Variants in CGN observed in about 807,000 individuals in gnomAD.
CGN encodes the protein cingulin.
In CGN, 121 loss-of-function variants were observed where a neutral mutation model predicts 157.1. That is an observed-to-expected ratio of 0.77 (90% CI 0.66 to 0.90). CGN has a LOEUF of 0.90. Among genes scored for constraint, CGN ranks in the 40% least tolerant of loss-of-function variants. The pLI is 0.00. For synonymous variants in CGN, 535 were observed against 607.5 expected (o/e 0.88, Z 1.76); for missense variants, 1,424 against 1,520.9 (o/e 0.94, Z 1.06).
chr1:151,530,778 A>G, intron 13 of CGN, 32 bp downstream of exon 13: 1 of 1,550,490 alleles, frequency 6.4e-7, no homozygotes, highest in Non-Finnish European at 8.7e-7. Context: ...GCCTTTAGGA[A>G]GAGGCCCAGC....
intron 9 of CGN, among the ~76,000 whole-genome samples, chr1:151,526,191 T>C (rs2102495235): frequency 6.6e-6 from 1 of 150,934 alleles, no homozygotes. Context: ...CTTTTTTTTT[T>C]TTTTTGAGAT....
rs375686792 is a variant in CGN at position 151,533,357 on chromosome 1, TC to T, written c.2743-615del. Among the ~76,000 whole-genome samples, 66 of 152,202 alleles carry T rather than the reference TC, an allele frequency of 4.3e-4. No individual in the cohort carries two copies. In the East Asian group the frequency reaches 0.012, roughly 29 times the overall value. On this transcript the variant is annotated intron_variant, in intron 14 of 20. Coordinates refer to ENST00000271636, the MANE Select transcript of CGN (RefSeq NM_020770.3). ...TGAGCGTGGTGGTGCATGCCTGTAG[TC>T]CCAGCTACTCAGGAGGCTGAGGCAG...
Position 151,529,978 on chromosome 1 carries a change from C to T in CGN, c.2176C>T (p.Arg726Trp), listed in dbSNP as rs369495663. ...QRRAAVETTL[R>W]ETQEENDEFR... ...GCGGGCCGCAGTGGAGACGACGCTT[C>T]GGGAGACCCAGGAGGAAAATGACGA... Residue 726 changes from arginine (R) to tryptophan (W), a missense_variant, in exon 12 of 21, where the codon CGG becomes TGG. Arg to Trp is a moderately radical substitution (Grantham distance 101). Coordinates refer to ENST00000271636, the MANE Select transcript of CGN (RefSeq NM_020770.3). 7.5e-5 allele frequency: 121 copies of T among 1,613,998 alleles called. No homozygotes were observed. The highest frequency in any genetic ancestry group is 5.2e-4 in the Admixed American group (31 of 60,002).
rs1019233679 is a variant in CGN at position 151,524,186 on chromosome 1, T to C, written c.1269-40T>C. 20 of 1,520,528 alleles carry C rather than the reference T, an allele frequency of 1.3e-5. No individual in the cohort carries two copies. Among genetic ancestry groups the C allele is most frequent in the Non-Finnish European group, 1.7e-5 (19 of 1,107,778 alleles). 94.2% of individuals were successfully genotyped at this position (1,520,528 alleles called of 1,614,324 possible). A position where few individuals can be genotyped will look rare whatever the true frequency, so the allele number is the denominator to read the frequency against. On this transcript the variant is annotated intron_variant, in intron 6 of 20. Coordinates refer to ENST00000271636, the MANE Select transcript of CGN (RefSeq NM_020770.3). This position sits in a 1 kb window ranked among gnomAD's most constrained non-coding sequence, Gnocchi z 4.4. ...AAAATATATGATGCGTTTAGAGAAC[T>C]GCCTGACACATAGTGTGCAATAATG...
At position 151,535,761 on chromosome 1, in the gene CGN, G is replaced by T; in HGVS notation, c.3079-19G>T. 6.2e-7 allele frequency: 1 copy of T among 1,612,312 alleles called. No homozygotes were observed. The highest frequency in any genetic ancestry group is 8.5e-7 in the Non-Finnish European group (1 of 1,178,306). On this transcript the variant is annotated intron_variant, in intron 17 of 20. Coordinates refer to ENST00000271636, the MANE Select transcript of CGN (RefSeq NM_020770.3). ...TGGCCAGTGGAGTGCTAACTGTGGA[G>T]GCTTCCTGTCCCTCTCAGAACAAGG...
At chr1:151,527,872 A>C (rs943971922) in intron 10 of CGN, 4 of 295,086 alleles carry the variant, frequency 1.4e-5, no homozygotes, top group Non-Finnish European at 2.7e-5. Flanking sequence ...GATTGTGCTG[A>C]CCTGTTCTGT....
At chr1:151,535,929 C>T (rs1360365107) in intron 18 of CGN, 31 bp downstream of exon 18, 1 of 1,535,028 alleles carries the variant, frequency 6.5e-7, no homozygotes, top group Non-Finnish European at 9.0e-7. Flanking sequence ...CTCCCTTCCT[C>T]CCTCCTTTTC....
chr1:151,513,634 C>G (rs1441786920), intron 1 of CGN, among the ~76,000 whole-genome samples: 1 of 152,102 alleles, frequency 6.6e-6, no homozygotes, highest in Non-Finnish European at 1.5e-5. Context: ...TCCACACACC[C>G]GAAACCACCC....
intron 20 of CGN, 26 bp downstream of exon 20, chr1:151,536,919 T>G (rs761704544): frequency 9.3e-6 from 15 of 1,610,210 alleles, no homozygotes; most frequent in South Asian, 4.4e-5. Flanking sequence ...TTGCCCTTGC[T>G]CCATAGGGAC....
intron 1 of CGN, 70 bp from the exon 2 acceptor site, chr1:151,518,436 A>G (rs1664457548): frequency 2.2e-6 from 3 of 1,345,654 alleles, no homozygotes; most frequent in Admixed American, 4.5e-5. Context: ...CAGGGAAGTC[A>G]GCCCGCAGGT....
intron 1 of CGN, among the ~76,000 whole-genome samples, chr1:151,512,496 A>G (rs979304873): frequency 2.4e-4 from 36 of 152,164 alleles, no homozygotes; most frequent in African/African-American, 8.4e-4. Context: ...AGCAGGCACT[A>G]TTGGGGCAGG....
At position 151,535,867 on chromosome 1, in the gene CGN, T is replaced by C; in HGVS notation, c.3166T>C (p.Leu1056=). Residue 1056 remains leucine (L), a synonymous_variant, in exon 18 of 21, where the codon TTG becomes CTG. Transcript: ENST00000271636. ...CTCTCAGCTTGAGTCCCAGAATCAG[T>C]TGTTGCAGGAGCGGCTACAGGCTGA... ...SLSQLESQNQ[L]LQERLQAEER... The C allele has an allele frequency of 6.2e-7, 1 of 1,613,944 alleles. No homozygotes were observed. Among genetic ancestry groups the C allele is most frequent in the Non-Finnish European group, 8.5e-7 (1 of 1,179,984 alleles).
chr1:151,524,367 T>C lies in CGN; in HGVS notation c.1401+9T>C, dbSNP rs1571661380. On this transcript the variant is annotated intron_variant, in intron 7 of 20. Transcript: ENST00000271636. The surrounding 1 kb of genome is among the most constrained non-coding windows in gnomAD (Gnocchi z 4.4). ...AGGAGGTGTTACTGAAGGTAGGGTC[T>C]GGGGTCATATGCCCCAGCCTCTGCT... The C allele has an allele frequency of 6.2e-7, 1 of 1,613,398 alleles. No homozygotes were observed. The highest frequency in any genetic ancestry group is 8.5e-7 in the Non-Finnish European group (1 of 1,179,752).
rs766654315 is a variant in CGN, at chr1:151,523,475, G to T, written c.1182G>T (p.Arg394=). 6.2e-6 allele frequency: 10 copies of T among 1,613,644 alleles called. No individual in the cohort carries two copies. Among genetic ancestry groups the T allele is most frequent in the Non-Finnish European group, 8.5e-6 (10 of 1,179,784 alleles). The change falls in exon 6 of 21, where the codon CGG becomes CGT. Residue 394 remains arginine (R), a synonymous_variant. Coordinates refer to ENST00000271636, the MANE Select transcript of CGN (RefSeq NM_020770.3). The part of the protein sequence containing the change: ...KLEPSQVGLE[R]QLEEKTEECS... ...AGCCATCCCAAGTTGGGCTGGAGCGGCAGCTGGAGGAGAAAACAGAAGAGT... is the reference window on the plus strand; with the variant it reads ...AGCCATCCCAAGTTGGGCTGGAGCGTCAGCTGGAGGAGAAAACAGAAGAGT...
At chr1:151,526,093 G>C (rs191456269) in intron 9 of CGN, among the ~76,000 whole-genome samples, 4 of 151,480 alleles carry the variant, frequency 2.6e-5, no homozygotes, top group Non-Finnish European at 5.9e-5. Context: ...GGCCAGTCTC[G>C]AACTCCTGAC....
At position 151,535,091 on chromosome 1, in the gene CGN, T is replaced by G. The variant is rs1445139885; in HGVS notation, c.2954T>G (p.Val985Gly). Reference protein sequence around the residue: ...ETELDEEKNTVELLTDRVNRG... With the variant: ...ETELDEEKNTGELLTDRVNRG... ...GAGTTAGATGAGGAGAAGAACACCG[T>G]GGAGCTGCTAACAGATCGGGTGAAT... The change falls in exon 16 of 21, where the codon GTG becomes GGG. Residue 985 changes from valine to glycine, a missense_variant. Physicochemically the swap from Val to Gly is moderately radical, Grantham distance 109 (BLOSUM62 -3). Around this residue, in one of 3 missense-constraint regions of CGN, gnomAD observed 199 missense variants for 272.2 expected, o/e 0.73. Coordinates refer to ENST00000271636, the MANE Select transcript of CGN (RefSeq NM_020770.3). 1 of 1,614,042 alleles carries G rather than the reference T, an allele frequency of 6.2e-7. No homozygotes were observed. Among genetic ancestry groups the G allele is most frequent in the Non-Finnish European group, 8.5e-7 (1 of 1,180,022 alleles).
upstream of CGN, chr1:151,511,263 C>T (rs1664277965): frequency 6.6e-6 from 1 of 152,444 alleles, no homozygotes; most frequent in Non-Finnish European, 1.5e-5. This position sits in a 1 kb window ranked among gnomAD's most constrained non-coding sequence, Gnocchi z 4.8. Flanking sequence ...GGTCCCCGCA[C>T]CGGAGGCCCC....
chr1:151,530,224 C>T (rs1664802857), intron 12 of CGN, 109 bp downstream of exon 12: 1 of 1,186,352 alleles, frequency 8.4e-7, no homozygotes, highest in Non-Finnish European at 1.2e-6. Flanking sequence ...ATCTGTTTTG[C>T]CTCCCCAAAC....
chr1:151,524,614 T>A lies in CGN; in HGVS notation c.1402-60T>A. 1.4e-6 allele frequency: 2 copies of A among 1,440,120 alleles called. No individual in the cohort carries two copies. Among genetic ancestry groups the A allele is most frequent in the Non-Finnish European group, 1.9e-6 (2 of 1,052,438 alleles). The allele number at this position is 1,440,120 out of a possible 1,614,324, so 89.2% of individuals were successfully genotyped here. A position where few individuals can be genotyped will look rare whatever the true frequency, so the allele number is the denominator to read the frequency against. On this transcript the variant is annotated intron_variant, in intron 7 of 20. Coordinates refer to ENST00000271636, the MANE Select transcript of CGN (RefSeq NM_020770.3). This position sits in a 1 kb window ranked among gnomAD's most constrained non-coding sequence, Gnocchi z 4.4. ...GATAAATATTTTTTGACTCAGTGAA[T>A]TGATAAACAGATGGATTCTAATATG...
Sources: allele counts gnomAD v4.1 joint callset (sites outside exome capture counted in the v4.1 genomes callset), GRCh38; gene constraint gnomAD v4.1.1; regional missense constraint gnomAD v4.1.1; non-coding constraint Gnocchi (gnomAD v3.1); transcripts MANE v1.5; gene names NCBI Gene and HGNC (gene_info 2026-07-23, HGNC 2026-07-21).